The following ATR variants were observed in gnomAD, a reference collection of about 807,000 sequenced individuals.
The protein encoded by ATR is serine/threonine-protein kinase ATR.
Under a neutral mutation model 305.3 loss-of-function variants are expected in ATR, and 142 were observed. The ratio of observed to expected loss-of-function variants is 0.47; its 90% CI spans 0.41 to 0.53. The LOEUF (loss-of-function observed/expected upper bound fraction) is 0.53, where lower values mean the gene tolerates loss of function less well. ATR is among the 20% of genes least tolerant of loss of function. The pLI is 0.00. For synonymous variants in ATR, 1,050 were observed against 1,068.1 expected (o/e 0.98, Z 0.33); for missense variants, 2,135 against 3,133.1 (o/e 0.68, Z 7.60).
At chr3:142,570,888 T>C (rs2035237698) in intron 1 of ATR, among the ~76,000 whole-genome samples, 7 of 152,160 alleles carry the variant, frequency 4.6e-5, no homozygotes, top group Admixed American at 1.3e-4. Context: ...GAAGTAGAGT[T>C]GGTGATAACT....
chr3:142,468,680 G>T (rs2071186563), intron 38 of ATR, among the ~76,000 whole-genome samples: 1 of 151,988 alleles, frequency 6.6e-6, no homozygotes, highest in Non-Finnish European at 1.5e-5. Flanking sequence ...TGCAATAACG[G>T]TTTTTTAGTA....
chr3:142,549,555 T>C lies in ATR; in HGVS notation c.3095A>G (p.Asn1032Ser). Residue 1032 changes from asparagine (N) to serine (S), a missense_variant, in exon 15 of 47, where the codon AAC becomes AGC. By Grantham distance (46) the Asn-to-Ser change is conservative (BLOSUM62 1). This residue lies in a region of ATR where 530 missense variants were observed against 766.8 expected (regional missense o/e 0.69). Coordinates refer to ENST00000350721, the MANE Select transcript of ATR (RefSeq NM_001184.4). ...CAAATGAGAAAAAATATATTTGAAGTTGTTTATTAAAATCTCTCTACGATT... is the reference window on the plus strand; with the variant it reads ...CAAATGAGAAAAAATATATTTGAAGCTGTTTATTAAAATCTCTCTACGATT... Reference protein sequence around the residue: ...NVNRREILINNFKYIFSHLVC... With the variant: ...NVNRREILINSFKYIFSHLVC... The C allele has an allele frequency of 6.2e-7, 1 of 1,611,702 alleles. No homozygotes were observed. The highest frequency in any genetic ancestry group is 1.1e-5 in the South Asian group (1 of 90,562).
rs760055641 is a variant in ATR, at chr3:142,515,534, G to A, written c.4383-19C>T. On this transcript the variant is annotated intron_variant, in intron 24 of 46. Coordinates refer to ENST00000350721, the MANE Select transcript of ATR (RefSeq NM_001184.4). ...CTTGTATCTGTAATTTTGAAAATTTGTTTATTAAAAAGATAAATCCACCTG... is the reference window on the plus strand; with the variant it reads ...CTTGTATCTGTAATTTTGAAAATTTATTTATTAAAAAGATAAATCCACCTG... The A allele has an allele frequency of 1.9e-6, 3 of 1,600,722 alleles. No individual in the cohort carries two copies. Among genetic ancestry groups the A allele is most frequent in the South Asian group, 2.2e-5 (2 of 90,678 alleles).
chr3:142,488,694 T>C (rs2031100964), intron 35 of ATR, among the ~76,000 whole-genome samples: 1 of 152,138 alleles, frequency 6.6e-6, no homozygotes, highest in African/African-American at 2.4e-5. Context: ...ACTAACTTTT[T>C]AGAAGTCAAA....
At chr3:142,574,356 G>C (rs1343744574) in intron 1 of ATR, among the ~76,000 whole-genome samples, 1 of 151,448 alleles carries the variant, frequency 6.6e-6, no homozygotes, top group Non-Finnish European at 1.5e-5. Flanking sequence ...CAGCTACTTG[G>C]GAGGCTGAGG....
At chr3:142,458,800 T>C (rs1455830035) in intron 44 of ATR, among the ~76,000 whole-genome samples, 158 bp downstream of exon 44, 2 of 152,166 alleles carry the variant, frequency 1.3e-5, no homozygotes, top group Admixed American at 6.6e-5. Context: ...TAATACGCAT[T>C]ACTACATGAT....
intron 10 of ATR, among the ~76,000 whole-genome samples, chr3:142,555,113 G>A (rs2034616598): frequency 6.6e-6 from 1 of 151,444 alleles, no homozygotes; most frequent in South Asian, 2.1e-4. Context: ...GCACACGCCT[G>A]TAATCCCAGC....
chr3:142,497,684 G>A (rs1222549340), intron 32 of ATR, among the ~76,000 whole-genome samples: 1 of 151,774 alleles, frequency 6.6e-6, no homozygotes, highest in African/African-American at 2.4e-5. Context: ...GGAGAATGAT[G>A]GATAAAACTA....
At chr3:142,558,558 A>G in intron 8 of ATR, 66 bp downstream of exon 8, 3 of 1,053,824 alleles carry the variant, frequency 2.8e-6, no homozygotes, top group Non-Finnish European at 3.8e-6. Flanking sequence ...AAATAAATAA[A>G]TAGATAGATA....
Position 142,555,870 on chromosome 3 carries a change from C to T in ATR, c.2341+7G>A, listed in dbSNP as rs1284881010. On this transcript the variant is annotated splice_region_variant and intron_variant, in intron 10 of 46. Transcript: ENST00000350721. ...TTTAAAGTATTAAATAAGTCATAAT[C>T]ACTCACCAAGTTTTACTGGACTAGG... 6.2e-7 allele frequency: 1 copy of T among 1,606,668 alleles called. No homozygotes were observed. The highest frequency in any genetic ancestry group is 1.7e-5 in the Admixed American group (1 of 58,626).
In ATR at chr3:142,519,733, G is replaced by C; in HGVS notation, c.4318C>G (p.His1440Asp). 1.2e-6 allele frequency: 2 copies of C among 1,614,090 alleles called. No homozygotes were observed. The highest frequency in any genetic ancestry group is 1.7e-6 in the Non-Finnish European group (2 of 1,179,974). The change falls in exon 24 of 47, where the codon CAC (histidine) becomes GAC (aspartate). Residue 1440 changes from histidine to aspartate, a missense_variant. Physicochemically the swap from His to Asp is moderately conservative, Grantham distance 81 (BLOSUM62 -1). This residue lies in a region of ATR where 202 missense variants were observed against 252.9 expected (regional missense o/e 0.80). Transcript: ENST00000350721. ...CREMETNGPG[H>D]QLWRRFPEHV... ...TCAGGAAATCTCCTCCACAATTGGTGACCTGGGCCGTTGGTCTCCATCTCT... is the reference window on the plus strand; with the variant it reads ...TCAGGAAATCTCCTCCACAATTGGTCACCTGGGCCGTTGGTCTCCATCTCT...
chr3:142,501,586 C>T (rs552377583), intron 30 of ATR, among the ~76,000 whole-genome samples: 2 of 152,122 alleles, frequency 1.3e-5, no homozygotes, highest in Admixed American at 1.3e-4. Context: ...ACAAACAACC[C>T]CATTAAAAAG....
intron 36 of ATR, among the ~76,000 whole-genome samples, chr3:142,476,474 C>T (rs1306990049): frequency 1.3e-5 from 2 of 152,032 alleles, no homozygotes; most frequent in Non-Finnish European, 2.9e-5. Flanking sequence ...GGTACCAGTA[C>T]CATGCTGTTT....
Position 142,549,509 on chromosome 3 carries a change from A to G in ATR, c.3141T>C (p.Asp1047=). 1 of 1,604,828 alleles carries G rather than the reference A, an allele frequency of 6.2e-7. No homozygotes were observed. Among genetic ancestry groups the G allele is most frequent in the South Asian group, 1.1e-5 (1 of 88,744 alleles). The change falls in exon 15 of 47, where the codon GAT becomes GAC. Residue 1047 remains aspartate (D), a synonymous_variant. Coordinates refer to ENST00000350721, the MANE Select transcript of ATR (RefSeq NM_001184.4). ...GATAATGAAGGGCACGTTCTAATTC[A>G]TCTTTGGAACAAGAACAGACCAAAT... is the stretch of plus-strand genomic sequence containing the variant. The part of the protein sequence containing the change: ...FSHLVCSCSK[D]ELERALHYLK...
At chr3:142,460,127 G>C (rs2070992417) in intron 42 of ATR, among the ~76,000 whole-genome samples, 1 of 152,060 alleles carries the variant, frequency 6.6e-6, no homozygotes, top group Non-Finnish European at 1.5e-5. Flanking sequence ...TTTTGCAACT[G>C]TGAACTTAGA....
chr3:142,503,256 C>A, intron 30 of ATR, 106 bp downstream of exon 30: 1 of 817,616 alleles, frequency 1.2e-6, no homozygotes, highest in Non-Finnish European at 2.0e-6. Context: ...CATGAAAACA[C>A]ATAAAACATT....
At chr3:142,557,370 C>T (rs2034709982) in intron 8 of ATR, among the ~76,000 whole-genome samples, 1 of 151,888 alleles carries the variant, frequency 6.6e-6, no homozygotes, top group Non-Finnish European at 1.5e-5. Context: ...TGATTGTCCA[C>T]CAATAGGAGG....
At chr3:142,543,687 C>T (rs1405637556) in intron 16 of ATR, among the ~76,000 whole-genome samples, 1 of 150,660 alleles carries the variant, frequency 6.6e-6, no homozygotes, top group East Asian at 1.9e-4. Context: ...TCTTTTCTTC[C>T]TCTCTCGACA....
intron 28 of ATR, among the ~76,000 whole-genome samples, chr3:142,506,086 G>A (rs1246814365): frequency 6.6e-6 from 1 of 152,158 alleles, no homozygotes; most frequent in Non-Finnish European, 1.5e-5. Flanking sequence ...CAAGAATAGT[G>A]TCAACAGAAA....
Sources: gnomAD v4.1 joint callset for allele counts (sites outside exome capture counted in the v4.1 genomes callset) on GRCh38, gnomAD v4.1.1 for gene constraint, gnomAD v4.1.1 regional missense constraint, MANE v1.5 for transcripts, NCBI Gene and HGNC (gene_info 2026-07-23, HGNC 2026-07-21) for gene names.